The following ARSG variants were observed in gnomAD, a reference collection of about 807,000 sequenced individuals.
ARSG encodes ASG.
Under a neutral mutation model 50.5 loss-of-function variants are expected in ARSG, and 37 were observed. The ratio of observed to expected loss-of-function variants is 0.73; its 90% confidence interval spans 0.56 to 0.96. ARSG has a LOEUF of 0.96. ARSG is among the 50% of genes least tolerant of loss of function. ARSG has a pLI of 0.00. For missense variants in ARSG, 629 were observed against 675.3 expected, an observed-to-expected ratio of 0.93 and a Z score of 0.76; for synonymous variants, 225 against 254.6, an observed-to-expected ratio of 0.88 and a Z score of 1.11.
chr17:68,440,588 T>C, the ARSG span: 1 of 152,238 alleles, frequency 6.6e-6, no homozygotes, highest in Non-Finnish European at 1.5e-5. Flanking sequence ...TTTTTCTACC[T>C]AGGAATGAGG....
At chr17:68,342,789 C>T (rs2078328305) in intron 2 of ARSG, among the ~76,000 whole-genome samples, 1 of 152,146 alleles carries the variant, frequency 6.6e-6, no homozygotes, top group Non-Finnish European at 1.5e-5. Flanking sequence ...CACAAAAATG[C>T]AAAAGCCATG....
chr17:68,289,847 A>C (rs1446547621), upstream of ARSG, among the ~76,000 whole-genome samples: 1 of 152,136 alleles, frequency 6.6e-6, no homozygotes, highest in African/African-American at 2.4e-5. Context: ...ATTACACTGG[A>C]AGGAGCTTTT....
intron 8 of ARSG, 122 bp downstream of exon 8, chr17:68,370,646 CAG>C: frequency 1.2e-6 from 1 of 848,746 alleles, no homozygotes; most frequent in Non-Finnish European, 1.9e-6. Flanking sequence ...CATTGTGAAA[CAG>C]GGACACATTT....
At chr17:68,415,476 G>T (rs369041707) in intron 11 of ARSG, among the ~76,000 whole-genome samples, 1 of 152,174 alleles carries the variant, frequency 6.6e-6, no homozygotes, top group Admixed American at 6.5e-5. Flanking sequence ...ATGCACTACT[G>T]AATAGAATGT....
chr17:68,431,878 C>A, the ARSG span, among the ~76,000 whole-genome samples: 1 of 151,708 alleles, frequency 6.6e-6, no homozygotes, highest in African/African-American at 2.4e-5. Context: ...TGATAATAAT[C>A]CCCAGTGGAG....
intron 2 of ARSG, among the ~76,000 whole-genome samples, chr17:68,335,586 G>A (rs1182900597): frequency 6.6e-6 from 1 of 151,990 alleles, no homozygotes; most frequent in African/African-American, 2.4e-5. Context: ...ATGTCAAATG[G>A]TATATAATTA....
At chr17:68,322,756 T>G (rs543749545) in intron 2 of ARSG, among the ~76,000 whole-genome samples, 15 of 152,228 alleles carry the variant, frequency 9.9e-5, no homozygotes, top group African/African-American at 3.4e-4. Flanking sequence ...ATTCAGGCAG[T>G]GTGTTTTTGG....
intron 2 of ARSG, among the ~76,000 whole-genome samples, chr17:68,333,677 A>G (rs2077889407): frequency 6.7e-6 from 1 of 150,230 alleles, no homozygotes; most frequent in African/African-American, 2.4e-5. Context: ...TAATAATAAA[A>G]GAGTAATAAG....
intron 2 of ARSG, among the ~76,000 whole-genome samples, chr17:68,309,868 T>A (rs1599661813): frequency 6.8e-6 from 1 of 147,990 alleles, no homozygotes; most frequent in East Asian, 2.0e-4. Context: ...TAAAAAAAAA[T>A]AAATAAAATA....
At chr17:68,330,021 C>A (rs1418430690) in intron 2 of ARSG, among the ~76,000 whole-genome samples, 2 of 151,816 alleles carry the variant, frequency 1.3e-5, no homozygotes, top group African/African-American at 4.8e-5. Context: ...ACCAGCCTGG[C>A]TAACATGGTG....
intron 11 of ARSG, among the ~76,000 whole-genome samples, chr17:68,411,419 T>A (rs143752303): frequency 0.03 from 4,625 of 152,320 alleles, 188 homozygotes; most frequent in African/African-American, 0.097. Context: ...TCAGTTTCCA[T>A]GTAGTTGAGC....
At position 68,347,110 on chromosome 17, in the gene ARSG, T is replaced by C. The variant is rs765617198; in HGVS notation, c.407-15T>C. ...TGGGGATTCCTCTGAAAATCTCTCTTATGTTTTTCTACAGGCAAATGGCAT... is the reference window on the plus strand; with the variant it reads ...TGGGGATTCCTCTGAAAATCTCTCTCATGTTTTTCTACAGGCAAATGGCAT... On this transcript the variant is annotated splice_polypyrimidine_tract_variant and intron_variant, in intron 3 of 11. Transcript: ENST00000621439. 126 of 1,613,642 alleles carry C rather than the reference T, an allele frequency of 7.8e-5. No individual in the cohort carries two copies. Among genetic ancestry groups the C allele is most frequent in the Non-Finnish European group, 1.0e-4 (121 of 1,179,706 alleles).
At chr17:68,372,209 G>C (rs999466840) in intron 8 of ARSG, among the ~76,000 whole-genome samples, 1 of 152,106 alleles carries the variant, frequency 6.6e-6, no homozygotes, top group Admixed American at 6.5e-5. Flanking sequence ...CACCATTCTT[G>C]AATTAGAGGG....
chr17:68,311,505 C>T (rs1278684471), intron 2 of ARSG, among the ~76,000 whole-genome samples: 1 of 152,084 alleles, frequency 6.6e-6, no homozygotes, highest in South Asian at 2.1e-4. Flanking sequence ...AGGGTCTTTG[C>T]AAATGTTATT....
At position 68,271,965 on chromosome 17, in the gene ARSG, G is replaced by A. The variant is rs1555749065; in HGVS notation, c.-552+12539G>A. 1.3e-5 allele frequency among the ~76,000 whole-genome samples: 2 copies of A among 152,146 alleles called. No individual in the cohort carries two copies. The highest frequency in any genetic ancestry group is 2.9e-5 in the Non-Finnish European group (2 of 68,028). The stretch of plus-strand genomic sequence containing the variant: ...CTATAGGCGTGCGCCACCACGACCA[G>A]CCAATTTTTGTATTTTTAGTAGAGA... On this transcript the variant is annotated intron_variant, in intron 1 of 11. Transcript: ENST00000448504. The surrounding 1 kb of genome is among the most constrained non-coding windows in gnomAD (Gnocchi z 5.3).
At chr17:68,319,424 G>A (rs2077192481) in intron 2 of ARSG, among the ~76,000 whole-genome samples, 1 of 152,190 alleles carries the variant, frequency 6.6e-6, no homozygotes, top group African/African-American at 2.4e-5. Flanking sequence ...CTGGGGCCAG[G>A]TAAGTGCTGA....
the ARSG span, among the ~76,000 whole-genome samples, chr17:68,435,105 G>A: frequency 2.0e-5 from 3 of 151,932 alleles, no homozygotes; most frequent in African/African-American, 7.3e-5. Flanking sequence ...TACTCGGGAG[G>A]CTGAGGCAGG....
chr17:68,307,561 T>G lies in ARSG; in HGVS notation c.68T>G (p.Val23Gly), dbSNP rs1568445619. 6.2e-7 allele frequency: 1 copy of G among 1,614,190 alleles called. No homozygotes were observed. The highest frequency in any genetic ancestry group is 1.3e-5 in the African/African-American group (1 of 75,050). ...VSFSGFLYPL[V>G]DFCISGKTRG... Reference sequence around the variant, plus strand: ...TTCTCAGGATTTCTTTATCCTCTTGTGGATTTTTGCATCAGTGGGAAAACA... The same window carrying G: ...TTCTCAGGATTTCTTTATCCTCTTGGGGATTTTTGCATCAGTGGGAAAACA... The change falls in exon 2 of 12, where the codon GTG becomes GGG. Residue 23 changes from valine to glycine, a missense_variant. Coordinates refer to ENST00000621439, the MANE Select transcript of ARSG (RefSeq NM_001267727.2).
At chr17:68,278,068 TAGGCC>T in intron 1 of ARSG, 1 of 1,568,582 alleles carries the variant, frequency 6.4e-7, no homozygotes, top group Non-Finnish European at 8.8e-7. Context: ...ACGTCATGGT[TAGGCC>T]GAAAGATGTA....
Sources: allele counts gnomAD v4.1 joint callset (sites outside exome capture counted in the v4.1 genomes callset), GRCh38; gene constraint gnomAD v4.1.1; non-coding constraint Gnocchi (gnomAD v3.1); transcripts MANE v1.5; gene names NCBI Gene and HGNC (gene_info 2026-07-23, HGNC 2026-07-21).